The following USP43 variants were observed in gnomAD, a reference collection of about 807,000 sequenced individuals.
The protein encoded by USP43 is ubiquitin carboxyl-terminal hydrolase 43.
USP43 carries 33 observed loss-of-function variants against 90.7 expected under a neutral mutation model. That is an observed-to-expected ratio of 0.36 (90% confidence interval 0.28 to 0.49). USP43 has a LOEUF of 0.49. Ranked by LOEUF, USP43 falls within the 20% of genes least tolerant of loss-of-function variation. USP43 has a pLI of 0.98. For synonymous variants in USP43, 598 were observed against 615.8 expected (o/e 0.97, Z 0.43); for missense variants, 1,274 against 1,476.4 (o/e 0.86, Z 2.25).
intron 14 of USP43, among the ~76,000 whole-genome samples, chr17:9,715,719 GTA>G (rs34007804): frequency 0.027 from 3,561 of 133,162 alleles, 46 homozygotes; most frequent in Non-Finnish European, 0.038. Flanking sequence ...CTCTGTGTGT[GTA>G]TGTGTGTGTG....
chr17:9,703,792 TG>T (rs1915713551), intron 12 of USP43, among the ~76,000 whole-genome samples: 1 of 152,194 alleles, frequency 6.6e-6, no homozygotes. Flanking sequence ...TGGGCCACCC[TG>T]GCTCCAGGGT....
chr17:9,675,065 C>T lies in USP43; in HGVS notation c.833+82C>T, dbSNP rs561223179. ...GGGAAGCTTCTGGCCTCACACCTGC[C>T]ATTTTCTCTCCTTTGCTTCTCAGCC... is the stretch of plus-strand genomic sequence containing the variant. On this transcript the variant is annotated intron_variant, in intron 4 of 14. Transcript: ENST00000285199. The T allele has an allele frequency of 8.7e-5, 103 of 1,179,514 alleles. No homozygotes were observed. The African/African-American group carries it at 1.5e-3, about 17-fold the overall frequency. 73.1% of individuals were successfully genotyped at this position (1,179,514 alleles called of 1,614,324 possible). A position where few individuals can be genotyped will look rare whatever the true frequency, so the allele number is the denominator to read the frequency against.
At chr17:9,713,306 C>T (rs1916315007) in intron 14 of USP43, among the ~76,000 whole-genome samples, 1 of 152,112 alleles carries the variant, frequency 6.6e-6, no homozygotes, top group Admixed American at 6.6e-5. Context: ...TCAGGCTGAT[C>T]TCAAACTCCT....
At chr17:9,662,270 G>A (rs1234274392) in intron 2 of USP43, among the ~76,000 whole-genome samples, 1 of 152,122 alleles carries the variant, frequency 6.6e-6, no homozygotes. Context: ...CAAAGGAGGA[G>A]GAGTGGATAC....
chr17:9,681,282 TTA>T (rs1168581049), intron 6 of USP43, among the ~76,000 whole-genome samples: 7 of 110,486 alleles, frequency 6.3e-5, no homozygotes, highest in Admixed American at 1.3e-4. Context: ...TATTTAATAA[TTA>T]TATATGTTAT....
chr17:9,728,537 A>G lies in USP43; in HGVS notation c.2919A>G (p.Gly973=). ...GCAGCCCACCCTCCCCCTATATGGG[A>G]TTCTCTGGAAACAGCAAAGACAGTC... ...SKSSPPSPYM[G]FSGNSKDSRR... is the part of the protein sequence containing the mutation. The change falls in exon 15 of 15, where the codon GGA becomes GGG. Residue 973 remains glycine (G), a synonymous_variant. Transcript: ENST00000285199. The surrounding 1 kb of genome is among the most constrained non-coding windows in gnomAD (Gnocchi z 6.2). 4 of 1,613,938 alleles carry G rather than the reference A, an allele frequency of 2.5e-6. No homozygotes were observed. The highest frequency in any genetic ancestry group is 3.4e-6 in the Non-Finnish European group (4 of 1,179,874).
At chr17:9,667,814 C>A (rs1230332805) in intron 3 of USP43, among the ~76,000 whole-genome samples, 1 of 152,036 alleles carries the variant, frequency 6.6e-6, no homozygotes, top group Non-Finnish European at 1.5e-5. Flanking sequence ...GTGCGCGTGT[C>A]TGTGTGTTGC....
Position 9,681,901 on chromosome 17 carries a change from C to T in USP43, c.1106-922C>T, listed in dbSNP as rs145051283. On this transcript the variant is annotated intron_variant, in intron 6 of 14. Coordinates refer to ENST00000285199, the MANE Select transcript of USP43 (RefSeq NM_153210.5). Reference sequence around the variant, plus strand: ...CAGCCTAGGTAGCAGGCTATGGGAACTGGATGTTTGAAGTTCTCTGAGTTG... The same window carrying T: ...CAGCCTAGGTAGCAGGCTATGGGAATTGGATGTTTGAAGTTCTCTGAGTTG... 1.7e-3 allele frequency among the ~76,000 whole-genome samples: 263 copies of T among 152,264 alleles called. 1 individual carries two copies. Among genetic ancestry groups the T allele is most frequent in the Non-Finnish European group, 2.8e-3 (191 of 68,016 alleles).
intron 12 of USP43, among the ~76,000 whole-genome samples, chr17:9,706,736 C>T (rs113818129): frequency 4.7e-5 from 7 of 148,094 alleles, no homozygotes; most frequent in African/African-American, 1.3e-4. Context: ...CTCTGCCTCC[C>T]GGGTTCTAGT....
At chr17:9,672,331 T>C (rs1384986907) in intron 3 of USP43, among the ~76,000 whole-genome samples, 3 of 152,152 alleles carry the variant, frequency 2.0e-5, no homozygotes, top group Admixed American at 2.0e-4. Flanking sequence ...ATTTGCCCAT[T>C]CTACTTTTTT....
chr17:9,645,429 C>T, upstream of USP43: 1 of 340,590 alleles, frequency 2.9e-6, no homozygotes, highest in South Asian at 1.4e-4. The surrounding 1 kb of genome is among the most constrained non-coding windows in gnomAD (Gnocchi z 6.8). Context: ...TGGCCCGGCG[C>T]TGCCCTGGAG....
intron 2 of USP43, among the ~76,000 whole-genome samples, chr17:9,661,657 A>G (rs1912648629): frequency 1.3e-5 from 2 of 151,974 alleles, no homozygotes; most frequent in South Asian, 4.1e-4. Context: ...CGTGCAGGTC[A>G]TCCTTTGTGA....
chr17:9,714,154 G>A (rs1916358136), intron 14 of USP43, among the ~76,000 whole-genome samples: 1 of 152,200 alleles, frequency 6.6e-6, no homozygotes, highest in Admixed American at 6.5e-5. Flanking sequence ...GTGATGGGGA[G>A]CAGCTGTAAA....
At position 9,693,167 on chromosome 17, in the gene USP43, C is replaced by T. The variant is rs984417578; in HGVS notation, c.1394C>T (p.Ser465Phe). ...SLFSIRVVGL[S>F]VACSYLSPKD... ...TTCTCCATCCGTGTTGTGGGACTCT[C>T]TGTGGCCTGCAGCTATTTGTCTCCG... Residue 465 changes from serine to phenylalanine, a missense_variant, in exon 9 of 15, where the codon TCT becomes TTT. Coordinates refer to ENST00000285199, the MANE Select transcript of USP43 (RefSeq NM_153210.5). 3 of 1,613,806 alleles carry T rather than the reference C, an allele frequency of 1.9e-6. No homozygotes were observed. In the Admixed American group the frequency reaches 5.0e-5, roughly 27 times the overall value.
chr17:9,646,191 AGT>A, intron 1 of USP43, 55 bp downstream of exon 1: 1 of 1,381,976 alleles, frequency 7.2e-7, no homozygotes, highest in South Asian at 1.6e-5. Context: ...CCTCTTGAAA[AGT>A]GTGTGCACGA....
At position 9,645,819 on chromosome 17, in the gene USP43, T is replaced by A; in HGVS notation, c.187T>A (p.Cys63Ser). The A allele has an allele frequency of 7.2e-7, 1 of 1,390,070 alleles. No homozygotes were observed. The allele number at this position is 1,390,070 out of a possible 1,614,324, so 86.1% of individuals were successfully genotyped here. A position where few individuals can be genotyped will look rare whatever the true frequency, so the allele number is the denominator to read the frequency against. The change falls in exon 1 of 15, where the codon TGC becomes AGC. Residue 63 changes from cysteine to serine, a missense_variant. Transcript: ENST00000285199. The surrounding 1 kb of genome is among the most constrained non-coding windows in gnomAD (Gnocchi z 6.8). ...CDGDGEGGFACAPGPVPAAPG... is the reference protein window; with the variant it reads ...CDGDGEGGFASAPGPVPAAPG... ...TGGCGACGGTGAGGGGGGCTTCGCC[T>A]GCGCCCCGGGCCCAGTTCCAGCGGC...
chr17:9,711,817 C>T (rs1916211250), intron 13 of USP43, 151 bp from the exon 14 acceptor site: 13 of 857,754 alleles, frequency 1.5e-5, no homozygotes, highest in Non-Finnish European at 1.9e-5. Context: ...TTCCCCTCTC[C>T]TTGTTGACAG....
chr17:9,688,760 C>T (rs1435618692), intron 8 of USP43, among the ~76,000 whole-genome samples: 1 of 152,170 alleles, frequency 6.6e-6, no homozygotes, highest in African/African-American at 2.4e-5. Context: ...GGTAATGGCT[C>T]ACTGCATCTT....
intron 2 of USP43, among the ~76,000 whole-genome samples, chr17:9,663,445 G>A (rs1035278148): frequency 2.0e-5 from 3 of 151,728 alleles, no homozygotes; most frequent in African/African-American, 7.3e-5. Context: ...TTACAGATGT[G>A]CGCCACCATG....
Sources: gnomAD v4.1 joint callset for allele counts (sites outside exome capture counted in the v4.1 genomes callset) on GRCh38, gnomAD v4.1.1 for gene constraint, Gnocchi (gnomAD v3.1) non-coding constraint, MANE v1.5 for transcripts, NCBI Gene and HGNC (gene_info 2026-07-23, HGNC 2026-07-21) for gene names.